GATA6: variants seen among roughly 807,000 people sequenced by gnomAD.
GATA6 encodes GATA binding protein 6, also known as transcription factor GATA-6.
GATA6 carries 11 observed loss-of-function variants against 48.1 expected under a neutral mutation model. That is an observed-to-expected ratio of 0.23 (90% CI 0.14 to 0.38). GATA6 has a LOEUF of 0.38. Ranked by LOEUF, GATA6 falls within the 10% of genes least tolerant of loss-of-function variation. The pLI is 1.00. For missense variants in GATA6, 795 were observed against 850.3 expected (o/e 0.93, Z 0.81); for synonymous variants, 419 against 396.1 (o/e 1.06, Z -0.69).
intron 3 of GATA6, among the ~76,000 whole-genome samples, chr18:22,179,462 C>T (rs2143295887): frequency 6.6e-6 from 1 of 152,330 alleles, no homozygotes; most frequent in Non-Finnish European, 1.5e-5. Context: ...TTTATGAGGA[C>T]TGGCTTCACT....
At chr18:22,181,182 C>T (rs1354138364) in intron 3 of GATA6, among the ~76,000 whole-genome samples, 1 of 152,182 alleles carries the variant, frequency 6.6e-6, no homozygotes, top group Non-Finnish European at 1.5e-5. Context: ...AACTATATGA[C>T]TGCTCCCGGG....
At position 22,200,862 on chromosome 18, in the gene GATA6, G is replaced by C. The variant is rs751142370; in HGVS notation, c.*39G>C. ...GGAGGCAGGGAGGGCTCCGCCGCGG[G>C]CCTCACTCCACTCGTGTCTGCTTTT... On this transcript the variant is annotated 3_prime_UTR_variant, in exon 7 of 7. Transcript: ENST00000269216. 4 of 1,577,128 alleles carry C rather than the reference G, an allele frequency of 2.5e-6. No homozygotes were observed. In the East Asian group the frequency reaches 6.9e-5, roughly 27 times the overall value.
intron 3 of GATA6, among the ~76,000 whole-genome samples, chr18:22,177,711 A>ACAGG (rs2033141176): frequency 6.6e-6 from 1 of 152,116 alleles, no homozygotes; most frequent in Non-Finnish European, 1.5e-5. Flanking sequence ...CCTCACAGCC[A>ACAGG]CATTCTTTTG....
At chr18:22,199,829 G>A (rs2033433066) in intron 6 of GATA6, among the ~76,000 whole-genome samples, 1 of 150,886 alleles carries the variant, frequency 6.6e-6, no homozygotes, top group African/African-American at 2.4e-5. Flanking sequence ...CTTGAACTCA[G>A]GAGATGGAGG....
At chr18:22,182,057 T>G (rs1354014942) in intron 4 of GATA6, among the ~76,000 whole-genome samples, 1 of 152,224 alleles carries the variant, frequency 6.6e-6, no homozygotes, top group African/African-American at 2.4e-5. Flanking sequence ...AAATATTTCA[T>G]AGTTCATTTT....
intron 1 of GATA6, among the ~76,000 whole-genome samples, 176 bp downstream of exon 1, chr18:22,169,858 G>A (rs1323134962): frequency 6.6e-6 from 1 of 152,214 alleles, no homozygotes; most frequent in Non-Finnish European, 1.5e-5. Context: ...GGGACACCGC[G>A]GACCAACTTC....
chr18:22,191,209 G>T (rs1156992086), intron 6 of GATA6, among the ~76,000 whole-genome samples: 1 of 152,016 alleles, frequency 6.6e-6, no homozygotes, highest in Non-Finnish European at 1.5e-5. Context: ...CAGAATTGTG[G>T]TTTATTTAAT....
At chr18:22,180,904 G>GA (rs2033186166) in intron 3 of GATA6, among the ~76,000 whole-genome samples, 1 of 151,882 alleles carries the variant, frequency 6.6e-6, no homozygotes, top group Non-Finnish European at 1.5e-5. Flanking sequence ...CTAAATCTTA[G>GA]ACCTGTGACT....
chr18:22,194,000 T>C (rs191776332), intron 6 of GATA6, among the ~76,000 whole-genome samples: 2 of 151,772 alleles, frequency 1.3e-5, no homozygotes, highest in Non-Finnish European at 2.9e-5. Context: ...TTTGTCTCCA[T>C]GAGTTGATCC....
At chr18:22,179,717 G>C (rs1448706207) in intron 3 of GATA6, among the ~76,000 whole-genome samples, 1 of 152,168 alleles carries the variant, frequency 6.6e-6, no homozygotes, top group Non-Finnish European at 1.5e-5. Context: ...GTAAAGTTTT[G>C]TTAATATGTT....
At chr18:22,177,944 GTTT>G (rs979067151) in intron 3 of GATA6, among the ~76,000 whole-genome samples, 2 of 77,886 alleles carry the variant, frequency 2.6e-5, no homozygotes, top group African/African-American at 1.3e-4. Context: ...ACGTTTTACT[GTTT>G]TTTTGTTTTT....
At position 22,200,636 on chromosome 18, in the gene GATA6, G is replaced by C. The variant is rs201505018; in HGVS notation, c.1621-20G>C. 3.1e-6 allele frequency: 5 copies of C among 1,614,094 alleles called. No individual in the cohort carries two copies. The highest frequency in any genetic ancestry group is 2.2e-5 in the East Asian group (1 of 44,888). ...CTTCTCACCTTCTCGTCTCTCCTCT[G>C]TGTCCCCCTCTTCTGCCAGGCGGGT... On this transcript the variant is annotated intron_variant, in intron 6 of 6. Transcript: ENST00000269216.
intron 3 of GATA6, among the ~76,000 whole-genome samples, chr18:22,179,382 C>A (rs2143295797): frequency 6.6e-6 from 1 of 152,312 alleles, no homozygotes; most frequent in Non-Finnish European, 1.5e-5. Flanking sequence ...AATTCCTTGT[C>A]AGTGAGGAAT....
rs1190881559 is a variant in GATA6, at chr18:22,197,136, A to G, written c.1621-3520A>G. 2.0e-5 allele frequency among the ~76,000 whole-genome samples: 3 copies of G among 148,370 alleles called. No homozygotes were observed. The Admixed American group carries it at 2.0e-4, about 10-fold the overall frequency. ...CTTTTGTTGCCCAGACTGGAGTGCA[A>G]TGGTGCAATCTCGGCTCACTGCAAC... On this transcript the variant is annotated intron_variant, in intron 6 of 6. Coordinates refer to ENST00000269216, the MANE Select transcript of GATA6 (RefSeq NM_005257.6).
At chr18:22,177,247 TC>T in intron 3 of GATA6, 126 bp downstream of exon 3, 1 of 857,324 alleles carries the variant, frequency 1.2e-6, no homozygotes, top group Non-Finnish European at 1.7e-6. Flanking sequence ...GCCGCTGCGG[TC>T]CCACCCTAGC....
At chr18:22,174,846 C>A (rs570517120) in intron 2 of GATA6, among the ~76,000 whole-genome samples, 1 of 152,152 alleles carries the variant, frequency 6.6e-6, no homozygotes, top group African/African-American at 2.4e-5. Flanking sequence ...GAAACCCACA[C>A]TATGCACCTC....
At position 22,176,945 on chromosome 18, in the gene GATA6, G is replaced by T; in HGVS notation, c.1136-10G>T. 6.5e-7 allele frequency: 1 copy of T among 1,542,672 alleles called. No individual in the cohort carries two copies. The highest frequency in any genetic ancestry group is 8.7e-7 in the Non-Finnish European group (1 of 1,148,762). On this transcript the variant is annotated splice_polypyrimidine_tract_variant and intron_variant, in intron 2 of 6. Transcript: ENST00000269216. ...CCCACTCCCGCCCTCACGCACCGCT[G>T]TCGCCGCAGACCTGCTGGAGGACCT...
chr18:22,195,344 G>A lies in GATA6; in HGVS notation c.1621-5312G>A, dbSNP rs906964354. ...TGACCCGCCCTCCTGTTAGTGCCTC[G>A]ACTCTGGTTCCCTCCTATTTTTTCA... On this transcript the variant is annotated intron_variant, in intron 6 of 6. Coordinates refer to ENST00000269216, the MANE Select transcript of GATA6 (RefSeq NM_005257.6). Among the ~76,000 whole-genome samples, 46 of 152,224 alleles carry A rather than the reference G, an allele frequency of 3.0e-4. 1 individual carries two copies. The highest frequency in any genetic ancestry group is 2.1e-4 in the South Asian group (1 of 4,824).
At chr18:22,180,472 A>G (rs1362200045) in intron 3 of GATA6, among the ~76,000 whole-genome samples, 1 of 152,200 alleles carries the variant, frequency 6.6e-6, no homozygotes, top group Non-Finnish European at 1.5e-5. Context: ...CTTTCCTGGT[A>G]ATACCAATTA....
Sources: gnomAD v4.1 joint callset for allele counts (sites outside exome capture counted in the v4.1 genomes callset) on GRCh38, gnomAD v4.1.1 for gene constraint, MANE v1.5 for transcripts, NCBI Gene and HGNC (gene_info 2026-07-23, HGNC 2026-07-21) for gene names.